The following DENND4A variants were observed in gnomAD, a reference collection of about 807,000 sequenced individuals.
DENND4A encodes DENN domain containing 4A.
DENND4A carries 70 observed loss-of-function variants against 199.3 expected under a neutral mutation model. That is an observed-to-expected ratio of 0.35 (90% CI 0.29 to 0.43). The LOEUF (loss-of-function observed/expected upper bound fraction) is 0.43, where lower values mean the gene tolerates loss of function less well. DENND4A is among the 20% of genes least tolerant of loss of function. The probability of loss-of-function intolerance (pLI) is 1.00; values close to 1 mark genes in which losing one functional copy is unlikely to be tolerated. For synonymous variants in DENND4A, 686 were observed against 766.9 expected, an observed-to-expected ratio of 0.89 and a Z score of 1.74; for missense variants, 1,723 against 2,255.8, an observed-to-expected ratio of 0.76 and a Z score of 4.78.
Position 65,670,004 on chromosome 15 carries a change from TATC to T in DENND4A, c.4640+6_4640+8del. 1.3e-6 allele frequency: 2 copies of T among 1,591,082 alleles called. No individual in the cohort carries two copies. Among genetic ancestry groups the T allele is most frequent in the Non-Finnish European group, 1.7e-6 (2 of 1,167,272 alleles). ...GATCCTTAAACATGAAGGAAAAAAA[TATC>T]ATTACCTTCCAGGTCGTCTTAAATC... On this transcript the variant is annotated splice_donor_region_variant and intron_variant, in intron 26 of 32. Coordinates refer to ENST00000443035, the MANE Select transcript of DENND4A (RefSeq NM_001320835.1).
chr15:65,663,353 G>C (rs1394097454), intron 32 of DENND4A, among the ~76,000 whole-genome samples: 2 of 151,426 alleles, frequency 1.3e-5, no homozygotes, highest in Non-Finnish European at 2.9e-5. Context: ...GGGACTACAG[G>C]CATGCGCCAC....
Position 65,690,674 on chromosome 15 carries a change from G to C in DENND4A, c.3920C>G (p.Thr1307Ser), listed in dbSNP as rs1480565085. The change falls in exon 23 of 33, where the codon ACC becomes AGC. Residue 1307 changes from threonine (T) to serine (S), a missense_variant. Thr to Ser is a moderately conservative substitution (Grantham distance 58). This residue lies in a region of DENND4A where 650 missense variants were observed against 738.1 expected (regional missense o/e 0.88). Coordinates refer to ENST00000443035, the MANE Select transcript of DENND4A (RefSeq NM_001320835.1). ...ACTTTTTGTGTAACTTTTAGATTTG[G>C]TAAGTCTCACTGGCTTAGGAGAATT... ...PPNSPKPVRL[T>S]KSKSYTKSEE... 6.2e-7 allele frequency: 1 copy of C among 1,613,644 alleles called. No homozygotes were observed. The highest frequency in any genetic ancestry group is 8.5e-7 in the Non-Finnish European group (1 of 1,179,762).
At chr15:65,743,022 A>G (rs914876536) in intron 4 of DENND4A, among the ~76,000 whole-genome samples, 2 of 152,164 alleles carry the variant, frequency 1.3e-5, no homozygotes, top group Admixed American at 6.5e-5. Flanking sequence ...GGAGTATATA[A>G]TAAGTTTTTA....
chr15:65,721,712 C>G (rs540540888), intron 12 of DENND4A, among the ~76,000 whole-genome samples: 52 of 152,004 alleles, frequency 3.4e-4, no homozygotes, highest in Non-Finnish European at 1.0e-4. Context: ...GTGGTCCTCC[C>G]GCGTGGTCCT....
intron 20 of DENND4A, among the ~76,000 whole-genome samples, chr15:65,698,589 G>A (rs975838013): frequency 4.6e-5 from 7 of 151,808 alleles, no homozygotes; most frequent in Admixed American, 6.6e-5. Context: ...CTTTAATATC[G>A]TTGTTATAAT....
intron 2 of DENND4A, among the ~76,000 whole-genome samples, chr15:65,758,113 A>G (rs950976333): frequency 1.4e-4 from 21 of 152,220 alleles, no homozygotes; most frequent in African/African-American, 5.1e-4. Flanking sequence ...TTCCAAAACT[A>G]CAAAAATGCA....
chr15:65,674,740 A>C (rs2076321806), intron 24 of DENND4A, among the ~76,000 whole-genome samples: 1 of 152,122 alleles, frequency 6.6e-6, no homozygotes, highest in Non-Finnish European at 1.5e-5. Flanking sequence ...TCTTAAAAAA[A>C]AAAAAAAAAG....
intron 27 of DENND4A, among the ~76,000 whole-genome samples, chr15:65,668,583 G>A (rs1424120958): frequency 1.3e-5 from 2 of 152,112 alleles, no homozygotes; most frequent in Non-Finnish European, 2.9e-5. Context: ...CACTTTGGGA[G>A]GCTGAGGTGG....
At chr15:65,666,362 G>A (rs1342904176) in intron 29 of DENND4A, among the ~76,000 whole-genome samples, 1 of 152,146 alleles carries the variant, frequency 6.6e-6, no homozygotes. Flanking sequence ...TGATAACAGA[G>A]ATGGCTACTC....
At chr15:65,688,277 T>C (rs2076860254) in intron 23 of DENND4A, among the ~76,000 whole-genome samples, 2 of 152,216 alleles carry the variant, frequency 1.3e-5, no homozygotes, top group South Asian at 4.1e-4. Flanking sequence ...GTGTTTTCCT[T>C]TACCTAAAGG....
At chr15:65,711,510 A>C (rs2075250488) in intron 14 of DENND4A, among the ~76,000 whole-genome samples, 1 of 152,128 alleles carries the variant, frequency 6.6e-6, no homozygotes, top group Non-Finnish European at 1.5e-5. Flanking sequence ...AAAAATAATA[A>C]AGAAAAAAAA....
rs1384380997 is a variant in DENND4A, at chr15:65,678,267, T to C, written c.4180-1633A>G. Among the ~76,000 whole-genome samples, 9 of 152,226 alleles carry C rather than the reference T, an allele frequency of 5.9e-5. 1 individual carries two copies. Among genetic ancestry groups the C allele is most frequent in the Admixed American group, 3.3e-4 (5 of 15,286 alleles). The stretch of plus-strand genomic sequence containing the variant: ...TTCAAAATTTTCTTGATTATTCTCA[T>C]GTATCTTCTCTATCAATTTTAAAGC... On this transcript the variant is annotated intron_variant, in intron 23 of 32. Transcript: ENST00000443035.
rs201827247 is a variant in DENND4A at position 65,697,382 on chromosome 15, A to C, written c.2835T>G (p.Gly945=). The C allele has an allele frequency of 1.9e-6, 3 of 1,583,736 alleles. No homozygotes were observed. The East Asian group carries it at 6.8e-5, about 36-fold the overall frequency. The part of the protein sequence containing the change: ...VYATDDRSST[G]GQSDLGYNSL... ...AATTATATCCAAGATCAGACTGGCC[A>C]CCTGGTAAAAACAAAAATAAACAAA... Residue 945 remains glycine (G), a splice_region_variant and synonymous_variant, in exon 21 of 33, where the codon GGT becomes GGG. Coordinates refer to ENST00000443035, the MANE Select transcript of DENND4A (RefSeq NM_001320835.1).
At chr15:65,770,861 G>GA (rs1010243272) in intron 1 of DENND4A, among the ~76,000 whole-genome samples, 2 of 152,014 alleles carry the variant, frequency 1.3e-5, no homozygotes, top group East Asian at 1.9e-4. Context: ...CATGACAAGG[G>GA]AAAAAATGGA....
At chr15:65,775,015 G>A (rs1012193189) in intron 1 of DENND4A, among the ~76,000 whole-genome samples, 1 of 151,478 alleles carries the variant, frequency 6.6e-6, no homozygotes, top group Non-Finnish European at 1.5e-5. Flanking sequence ...ACCACACACA[G>A]CCCATATGTT....
intron 22 of DENND4A, among the ~76,000 whole-genome samples, chr15:65,695,224 G>C (rs968404301): frequency 4.6e-5 from 7 of 152,158 alleles, no homozygotes; most frequent in Non-Finnish European, 1.0e-4. Context: ...AAGGGCTAAA[G>C]AGTAAATATT....
intron 23 of DENND4A, among the ~76,000 whole-genome samples, chr15:65,684,653 G>A (rs2076693574): frequency 6.6e-6 from 1 of 151,958 alleles, no homozygotes; most frequent in African/African-American, 2.4e-5. Flanking sequence ...CCAGTCTGTG[G>A]CTTTTCATTT....
chr15:65,735,456 T>G (rs1046210054), intron 7 of DENND4A, among the ~76,000 whole-genome samples: 1 of 152,276 alleles, frequency 6.6e-6, no homozygotes, highest in East Asian at 1.9e-4. Context: ...AATGTTGACA[T>G]TTGCACTGAC....
At chr15:65,689,509 T>C (rs1359855196) in intron 23 of DENND4A, among the ~76,000 whole-genome samples, 1 of 152,216 alleles carries the variant, frequency 6.6e-6, no homozygotes, top group South Asian at 2.1e-4. Context: ...ACAGATAACC[T>C]GAGTCAAGTC....
Sources: allele counts gnomAD v4.1 joint callset (sites outside exome capture counted in the v4.1 genomes callset), GRCh38; gene constraint gnomAD v4.1.1; regional missense constraint gnomAD v4.1.1; transcripts MANE v1.5; gene names NCBI Gene and HGNC (gene_info 2026-07-23, HGNC 2026-07-21).